Variants in NRXN3 observed in about 807,000 individuals in gnomAD.
NRXN3 encodes neurexin 3, also known as neurexin III.
Under a neutral mutation model 137.6 loss-of-function variants are expected in NRXN3, and 32 were observed. The observed-to-expected ratio is 0.23, with a 90% confidence interval of 0.18 to 0.31. The LOEUF is 0.31. Ranked by LOEUF, NRXN3 falls within the 10% of genes least tolerant of loss-of-function variation. The probability of loss-of-function intolerance (pLI) is 1.00; values close to 1 mark genes in which losing one functional copy is unlikely to be tolerated. For missense variants in NRXN3, 1,574 were observed against 2,062.5 expected (o/e 0.76, Z 4.59); for synonymous variants, 798 against 784.5 (o/e 1.02, Z -0.29).
intron 15 of NRXN3, among the ~76,000 whole-genome samples, chr14:79,189,817 A>G (rs1024395928): frequency 2.6e-5 from 4 of 152,124 alleles, no homozygotes; most frequent in African/African-American, 9.7e-5. Flanking sequence ...TACATATATA[A>G]CCTATTTCAC....
intron 11 of NRXN3, among the ~76,000 whole-genome samples, chr14:78,963,935 T>TA (rs547072391): frequency 2.9e-3 from 379 of 132,642 alleles, no homozygotes; most frequent in African/African-American, 0.014. Context: ...CTGGCTAATA[T>TA]TTTTTTTTTA....
In NRXN3 at chr14:78,709,345, C is replaced by T. The variant is rs1850376632; in HGVS notation, c.1350C>T (p.Asn450=). The change falls in exon 7 of 21, where the codon AAC becomes AAT. Residue 450 remains asparagine, a synonymous_variant. Coordinates refer to ENST00000335750, the MANE Select transcript of NRXN3 (RefSeq NM_001330195.2). ...ATGTGGCCACACTGGACCCCATCAA[C>T]TTTGAGACCCCAGAGGCTTACATCA... ...CENVATLDPI[N]FETPEAYISL... is the part of the protein sequence containing the mutation. 1.2e-6 allele frequency: 2 copies of T among 1,614,130 alleles called. No homozygotes were observed. Among genetic ancestry groups the T allele is most frequent in the East Asian group, 2.2e-5 (1 of 44,870 alleles).
At chr14:79,036,403 G>C (rs2099616053) in intron 15 of NRXN3, among the ~76,000 whole-genome samples, 1 of 151,954 alleles carries the variant, frequency 6.6e-6, no homozygotes, top group Non-Finnish European at 1.5e-5. Flanking sequence ...GGTGTATGTA[G>C]ACTTGCGTGA....
intron 15 of NRXN3, among the ~76,000 whole-genome samples, chr14:79,240,820 G>T (rs565764067): frequency 1.1e-4 from 17 of 152,148 alleles, no homozygotes; most frequent in Non-Finnish European, 2.2e-4. Context: ...CTCTGCTGAT[G>T]TTTAAGACTA....
chr14:79,868,036 A>G lies in NRXN3; in HGVS notation c.*6072A>G, dbSNP rs1186934958. 1 of 152,122 alleles carries G rather than the reference A, an allele frequency of 6.6e-6. No individual in the cohort carries two copies. Among genetic ancestry groups the G allele is most frequent in the Non-Finnish European group, 1.5e-5 (1 of 68,020 alleles). The allele number at this position is 152,122 out of a possible 1,614,324, so 9.4% of individuals were successfully genotyped here. A position where few individuals can be genotyped will look rare whatever the true frequency, so the allele number is the denominator to read the frequency against. ...CATCTGGTACTGTAACTTAAGATAAACTGCTTAGCTAAGGCTCAGCTTTCA... is the reference window on the plus strand; with the variant it reads ...CATCTGGTACTGTAACTTAAGATAAGCTGCTTAGCTAAGGCTCAGCTTTCA... On this transcript the variant is annotated 3_prime_UTR_variant, in exon 21 of 21. Coordinates refer to ENST00000335750, the MANE Select transcript of NRXN3 (RefSeq NM_001330195.2).
intron 16 of NRXN3, among the ~76,000 whole-genome samples, chr14:79,493,102 G>C (rs1314458518): frequency 1.3e-5 from 2 of 152,204 alleles, no homozygotes; most frequent in African/African-American, 4.8e-5. Flanking sequence ...TTCAAGTTGG[G>C]ACACAGAAGT....
chr14:78,669,237 A>T (rs2097913935), intron 6 of NRXN3, among the ~76,000 whole-genome samples: 1 of 151,834 alleles, frequency 6.6e-6, no homozygotes, highest in Non-Finnish European at 1.5e-5. Flanking sequence ...AACTAATAAT[A>T]AGCTAAAGGA....
chr14:78,795,072 T>G (rs1261132203), intron 8 of NRXN3, among the ~76,000 whole-genome samples: 1 of 152,136 alleles, frequency 6.6e-6, no homozygotes, highest in East Asian at 1.9e-4. Context: ...CCAGCCTGTG[T>G]AACAGAGCAA....
At chr14:79,153,009 G>T (rs1568442949) in intron 15 of NRXN3, among the ~76,000 whole-genome samples, 1 of 151,928 alleles carries the variant, frequency 6.6e-6, no homozygotes, top group East Asian at 1.9e-4. Context: ...AAAATCTAGG[G>T]TTCACAAAAC....
At chr14:78,747,867 C>G (rs1323081575) in intron 8 of NRXN3, among the ~76,000 whole-genome samples, 1 of 152,164 alleles carries the variant, frequency 6.6e-6, no homozygotes, top group Non-Finnish European at 1.5e-5. Context: ...TCTCCCTATG[C>G]CTTGATCTAA....
At position 79,663,910 on chromosome 14, in the gene NRXN3, C is replaced by A. The variant is rs1251388249; in HGVS notation, c.3577C>A (p.Gln1193Lys). The A allele has an allele frequency of 1.2e-6, 2 of 1,613,540 alleles. No individual in the cohort carries two copies. Among genetic ancestry groups the A allele is most frequent in the South Asian group, 1.1e-5 (1 of 91,078 alleles). Residue 1193 changes from glutamine (Q) to lysine (K), a missense_variant, in exon 17 of 21, where the codon CAG (glutamine) becomes AAG (lysine). Around this residue, in one of 5 missense-constraint regions of NRXN3, gnomAD observed 133 missense variants for 241.8 expected, o/e 0.55. Transcript: ENST00000335750. ...FTRNGGNATL[Q>K]VDNWPVNEHY... ...CAGGAACGGCGGCAACGCCACCCTG[C>A]AGGTGGACAACTGGCCAGTGAATGA...
intron 15 of NRXN3, among the ~76,000 whole-genome samples, chr14:79,316,273 T>G (rs1436241409): frequency 6.6e-6 from 1 of 152,232 alleles, no homozygotes. Context: ...GAACATTTGG[T>G]GCAGATACTG....
intron 15 of NRXN3, among the ~76,000 whole-genome samples, chr14:79,065,632 G>A (rs182044692): frequency 2.0e-5 from 3 of 152,160 alleles, no homozygotes; most frequent in Admixed American, 6.6e-5. Context: ...GGCGGGGTTG[G>A]TTTATTCTGA....
At chr14:79,168,059 A>G (rs372102906) in intron 15 of NRXN3, among the ~76,000 whole-genome samples, 29 of 151,956 alleles carry the variant, frequency 1.9e-4, no homozygotes, top group Middle Eastern at 3.4e-3. Context: ...TAAGTATCCA[A>G]TGATTTTGAG....
chr14:78,328,224 C>T (rs1353481607), intron 4 of NRXN3, among the ~76,000 whole-genome samples: 3 of 152,060 alleles, frequency 2.0e-5, no homozygotes, highest in African/African-American at 7.2e-5. Context: ...CCTAGGCAGT[C>T]TAGGAAAAAA....
At chr14:78,832,580 C>T (rs1170062350) in intron 10 of NRXN3, among the ~76,000 whole-genome samples, 1 of 151,938 alleles carries the variant, frequency 6.6e-6, no homozygotes, top group Non-Finnish European at 1.5e-5. Flanking sequence ...GCATGTTTCT[C>T]AGTGGGGAGT....
At chr14:78,357,077 CAG>C (rs1378597717) in intron 4 of NRXN3, among the ~76,000 whole-genome samples, 2 of 152,106 alleles carry the variant, frequency 1.3e-5, no homozygotes, top group African/African-American at 2.4e-5. Context: ...CCCTTGAAGA[CAG>C]GGGTGTATTA....
chr14:79,191,408 G>A (rs745806588), intron 15 of NRXN3, among the ~76,000 whole-genome samples: 16 of 152,164 alleles, frequency 1.1e-4, no homozygotes, highest in Admixed American at 2.0e-4. Context: ...GAAGGTGATG[G>A]CTCAGGTTGG....
chr14:79,675,629 T>C (rs115816908), intron 17 of NRXN3, among the ~76,000 whole-genome samples: 2,484 of 152,230 alleles, frequency 0.016, 49 homozygotes, highest in African/African-American at 0.056. Context: ...AGTACTACCG[T>C]GTAGGGTGAC....
Sources: gnomAD v4.1 joint callset for allele counts (sites outside exome capture counted in the v4.1 genomes callset) on GRCh38, gnomAD v4.1.1 for gene constraint, gnomAD v4.1.1 regional missense constraint, MANE v1.5 for transcripts, NCBI Gene and HGNC (gene_info 2026-07-23, HGNC 2026-07-21) for gene names.